The following MEGF6 variants were observed in gnomAD, a reference collection of about 807,000 sequenced individuals.
The protein encoded by MEGF6 is multiple EGF like domains 6.
A neutral mutation model predicts 207.1 loss-of-function variants in MEGF6; 184 were observed. That is an observed-to-expected ratio of 0.89 (90% CI 0.79 to 1.00). The LOEUF is 1.00. MEGF6 is among the 50% of genes least tolerant of loss of function. The pLI is 0.00. For synonymous variants in MEGF6, 1,038 were observed against 910.0 expected (o/e 1.14, Z -2.53); for missense variants, 2,282 against 2,202.9 (o/e 1.04, Z -0.72).
chr1:3,622,550 G>A, the MEGF6 span, among the ~76,000 whole-genome samples: 1 of 152,190 alleles, frequency 6.6e-6, no homozygotes, highest in African/African-American at 2.4e-5. Flanking sequence ...TAAAGATGAG[G>A]TCACTAGGGT....
At chr1:3,498,345 C>T (rs201233978) in intron 26 of MEGF6, 26 bp downstream of exon 26, 5 of 1,584,208 alleles carry the variant, frequency 3.2e-6, no homozygotes, top group African/African-American at 1.3e-5. Flanking sequence ...GGCCTGCAGA[C>T]CCCCCTGCTG....
intron 34 of MEGF6, chr1:3,493,495 C>T: frequency 1.9e-6 from 1 of 524,724 alleles, no homozygotes; most frequent in South Asian, 2.5e-5. Flanking sequence ...TCTTTCCACC[C>T]AACCAGAGCC....
At chr1:3,554,391 C>T (rs1015916504) in intron 4 of MEGF6, among the ~76,000 whole-genome samples, 8 of 151,970 alleles carry the variant, frequency 5.3e-5, no homozygotes, top group South Asian at 2.1e-4. Context: ...GGGAGGGGGA[C>T]GGCACTCCAG....
chr1:3,594,109 G>A lies in MEGF6; in HGVS notation c.376+1229C>T, dbSNP rs74717216. On this transcript the variant is annotated intron_variant, in intron 3 of 36. Coordinates refer to ENST00000356575, the MANE Select transcript of MEGF6 (RefSeq NM_001409.4). This position sits in a 1 kb window ranked among gnomAD's most constrained non-coding sequence, Gnocchi z 4.2. ...CTGTTCCTGTCACCGGAGCCCAGGG[G>A]AGCCCACTGTCCATTAAACCTCAAC... 0.049 allele frequency among the ~76,000 whole-genome samples: 7,431 copies of A among 152,202 alleles called. 580 individuals are homozygous for A. Among genetic ancestry groups the A allele is most frequent in the African/African-American group, 0.16 (6,658 of 41,484 alleles).
upstream of MEGF6, among the ~76,000 whole-genome samples, chr1:3,614,614 T>A (rs185384920): frequency 7.2e-4 from 109 of 152,386 alleles, no homozygotes; most frequent in African/African-American, 2.6e-3. Flanking sequence ...GTTGTCAGAC[T>A]ATATAAGCTT....
chr1:3,531,359 CG>C, intron 4 of MEGF6: 1 of 1,188,088 alleles, frequency 8.4e-7, no homozygotes, highest in Non-Finnish European at 1.0e-6. Context: ...CGGGCGGGCG[CG>C]CAATCCCAGC....
intron 17 of MEGF6, among the ~76,000 whole-genome samples, chr1:3,503,707 A>G (rs2100975679): frequency 7.1e-6 from 1 of 141,120 alleles, no homozygotes; most frequent in East Asian, 2.2e-4. Context: ...GTATGTGTGT[A>G]TGTGTGTGTA....
In MEGF6 at chr1:3,509,981, A is replaced by G; in HGVS notation, c.1246T>C (p.Cys416Arg). 6.3e-7 allele frequency: 1 copy of G among 1,585,454 alleles called. No homozygotes were observed. ...TCGCAGCCGCCACGGCTGGAGGCGC[A>G]CTCATCCACATCTGCGGGCGACCCG... ...DGCGCEDVDE[C>R]ASSRGGCEHH... The change falls in exon 11 of 37, where the codon TGC becomes CGC. Residue 416 changes from cysteine to arginine, a missense_variant. Transcript: ENST00000356575.
chr1:3,550,974 G>A (rs951836362), intron 4 of MEGF6, among the ~76,000 whole-genome samples: 1 of 152,254 alleles, frequency 6.6e-6, no homozygotes, highest in African/African-American at 2.4e-5. Flanking sequence ...GCCGGCCAGG[G>A]CTGGGCAGCT....
At chr1:3,570,305 G>A (rs1171068184) in intron 4 of MEGF6, among the ~76,000 whole-genome samples, 1 of 152,172 alleles carries the variant, frequency 6.6e-6, no homozygotes, top group Non-Finnish European at 1.5e-5. Context: ...CACCTGCCCT[G>A]CCCGCTCAAC....
At chr1:3,521,584 C>T (rs1641748751) in intron 5 of MEGF6, among the ~76,000 whole-genome samples, 1 of 152,180 alleles carries the variant, frequency 6.6e-6, no homozygotes, top group Non-Finnish European at 1.5e-5. Flanking sequence ...ACCCCTCAAA[C>T]AAACACGCCT....
intron 1 of MEGF6, among the ~76,000 whole-genome samples, chr1:3,604,520 G>A: frequency 6.6e-6 from 1 of 152,184 alleles, no homozygotes; most frequent in East Asian, 1.9e-4. Context: ...GCCTCTTCCT[G>A]CACCAGGAAG....
intron 18 of MEGF6, among the ~76,000 whole-genome samples, 183 bp downstream of exon 18, chr1:3,501,613 A>G (rs1640870966): frequency 6.6e-6 from 1 of 152,102 alleles, no homozygotes; most frequent in Non-Finnish European, 1.5e-5. Context: ...TGGAAGCCCC[A>G]GGAACTTGGT....
At chr1:3,515,704 G>A (rs1334676817) in intron 5 of MEGF6, among the ~76,000 whole-genome samples, 177 bp from the exon 6 acceptor site, 4 of 152,214 alleles carry the variant, frequency 2.6e-5, no homozygotes, top group Non-Finnish European at 5.9e-5. Flanking sequence ...CTCCCTGCCC[G>A]GCTCACAGGC....
intron 4 of MEGF6, among the ~76,000 whole-genome samples, chr1:3,544,830 G>A (rs189853260): frequency 1.6e-3 from 238 of 152,326 alleles, no homozygotes; most frequent in African/African-American, 5.5e-3. Context: ...GCTTGGGCCG[G>A]GGAACAGCGG....
intron 4 of MEGF6, among the ~76,000 whole-genome samples, chr1:3,528,754 G>T (rs1642050071): frequency 1.3e-5 from 2 of 152,140 alleles, no homozygotes. Context: ...AATGCAGGCG[G>T]CCTCTATAAA....
rs961933998 is a variant in MEGF6, at chr1:3,556,605, C to T, written c.481+23220G>A. Among the ~76,000 whole-genome samples, 4 of 152,048 alleles carry T rather than the reference C, an allele frequency of 2.6e-5. No individual in the cohort carries two copies. Among genetic ancestry groups the T allele is most frequent in the African/African-American group, 4.8e-5 (2 of 41,396 alleles). ...CCTGCAAATGAGAGGACAGAGGACC[C>T]GGTGACTGCCTGAGGCCGGGACACA... is the stretch of plus-strand genomic sequence containing the variant. On this transcript the variant is annotated intron_variant, in intron 4 of 36. Coordinates refer to ENST00000356575, the MANE Select transcript of MEGF6 (RefSeq NM_001409.4). This position sits in a 1 kb window ranked among gnomAD's most constrained non-coding sequence, Gnocchi z 4.4.
intron 4 of MEGF6, among the ~76,000 whole-genome samples, chr1:3,534,704 C>T (rs1197692965): frequency 6.6e-6 from 1 of 152,136 alleles, no homozygotes; most frequent in East Asian, 1.9e-4. Flanking sequence ...TCCCAGAGGG[C>T]GGGGGACGTC....
intron 21 of MEGF6, 75 bp downstream of exon 21, chr1:3,500,558 T>TGTGTGTGCACGTGTGCATATGTGTGC: frequency 6.8e-7 from 1 of 1,472,612 alleles, no homozygotes. Context: ...AAAGGCTTTG[T>TGTGTGTGCACGTGTGCATATGTGTGC]GTGTGTGCAC....
Sources: allele counts gnomAD v4.1 joint callset (sites outside exome capture counted in the v4.1 genomes callset), GRCh38; gene constraint gnomAD v4.1.1; non-coding constraint Gnocchi (gnomAD v3.1); transcripts MANE v1.5; gene names NCBI Gene and HGNC (gene_info 2026-07-23, HGNC 2026-07-21).